Variants in PPP6R3 observed in about 807,000 individuals in gnomAD.
The protein encoded by PPP6R3 is serine/threonine-protein phosphatase 6 regulatory subunit 3.
A neutral mutation model predicts 110.7 loss-of-function variants in PPP6R3; 38 were observed. The ratio of observed to expected loss-of-function variants is 0.34; its 90% CI spans 0.26 to 0.45. The LOEUF is 0.45. Ranked by LOEUF, PPP6R3 falls within the 20% of genes least tolerant of loss-of-function variation. PPP6R3 has a pLI of 1.00. For synonymous variants in PPP6R3, 369 were observed against 373.5 expected, an observed-to-expected ratio of 0.99 and a Z score of 0.14; for missense variants, 870 against 1,062.4, an observed-to-expected ratio of 0.82 and a Z score of 2.52.
chr11:68,488,557 A>G (rs1363328507), intron 1 of PPP6R3: 1 of 152,208 alleles, frequency 6.6e-6, no homozygotes, highest in Admixed American at 6.6e-5. Context: ...ATTGGGAGCT[A>G]CAGGGGAACG....
intron 1 of PPP6R3, among the ~76,000 whole-genome samples, chr11:68,500,638 C>T (rs573947435): frequency 9.2e-5 from 14 of 152,236 alleles, no homozygotes; most frequent in African/African-American, 1.7e-4. Flanking sequence ...CCACCACGCC[C>T]GGCTAATTTT....
intron 6 of PPP6R3, 44 bp downstream of exon 6, chr11:68,551,230 AC>A (rs778711785): frequency 4.8e-6 from 7 of 1,457,126 alleles, no homozygotes; most frequent in Non-Finnish European, 6.7e-6. Flanking sequence ...GAAAAAAAAA[AC>A]AAAAAACTGT....
intron 1 of PPP6R3, chr11:68,505,060 A>G (rs903661327): frequency 3.9e-5 from 6 of 152,004 alleles, no homozygotes; most frequent in Non-Finnish European, 8.8e-5. Flanking sequence ...GTTCTTTTCT[A>G]TGTCTTCTTA....
chr11:68,506,993 T>C (rs780219812), intron 1 of PPP6R3, among the ~76,000 whole-genome samples: 1 of 152,190 alleles, frequency 6.6e-6, no homozygotes, highest in Non-Finnish European at 1.5e-5. Flanking sequence ...GGTAGTTCTT[T>C]GGGCCTTATT....
chr11:68,543,808 C>G (rs775252377), intron 3 of PPP6R3, among the ~76,000 whole-genome samples: 2 of 152,174 alleles, frequency 1.3e-5, no homozygotes, highest in Non-Finnish European at 2.9e-5. Context: ...GGCTCAACGT[C>G]TCTGTTGTTG....
intron 15 of PPP6R3, among the ~76,000 whole-genome samples, chr11:68,584,114 G>A (rs989671999): frequency 3.3e-5 from 5 of 152,272 alleles, no homozygotes; most frequent in Admixed American, 2.6e-4. Context: ...TCAGCATTTG[G>A]CTGACTTCTC....
rs140917558 is a variant in PPP6R3 at position 68,537,848 on chromosome 11, A to T, written c.184A>T (p.Ile62Leu). 4 of 1,613,774 alleles carry T rather than the reference A, an allele frequency of 2.5e-6. No individual in the cohort carries two copies. The highest frequency in any genetic ancestry group is 2.5e-6 in the Non-Finnish European group (3 of 1,179,814). ...ECLEDLVSFI[I>L]EEPPQDMDEK... ...TCTCGAAGATTTAGTCTCATTCATTATAGAAGAACCACCTCAAGACATGGA... is the reference window on the plus strand; with the variant it reads ...TCTCGAAGATTTAGTCTCATTCATTTTAGAAGAACCACCTCAAGACATGGA... Residue 62 changes from isoleucine (I) to leucine (L), a missense_variant, in exon 3 of 24, where the codon ATA becomes TTA. Ile to Leu is a conservative substitution (Grantham distance 5). Transcript: ENST00000393800.
chr11:68,529,317 C>T lies in PPP6R3; in HGVS notation c.-6-8342C>T, dbSNP rs1014024003. ...CACTGCAACCTCTGCCAACCGGGTT[C>T]AAGTGATTCTCCTGCCTCAACCTCC... is the stretch of plus-strand genomic sequence containing the variant. On this transcript the variant is annotated intron_variant, in intron 2 of 23. Coordinates refer to ENST00000393800, the MANE Select transcript of PPP6R3 (RefSeq NM_001164161.2). 5.3e-5 allele frequency among the ~76,000 whole-genome samples: 8 copies of T among 152,154 alleles called. No homozygotes were observed. In the East Asian group the frequency reaches 1.3e-3, roughly 26 times the overall value.
chr11:68,589,944 G>A (rs1428953880), intron 16 of PPP6R3, among the ~76,000 whole-genome samples: 5 of 152,200 alleles, frequency 3.3e-5, no homozygotes, highest in Admixed American at 2.0e-4. Flanking sequence ...TACCCCAGGA[G>A]CATTCTACTC....
In PPP6R3 at chr11:68,537,662, A is replaced by G. The variant is rs2099277849; in HGVS notation, c.-3A>G. 1 of 1,562,792 alleles carries G rather than the reference A, an allele frequency of 6.4e-7. No homozygotes were observed. Among genetic ancestry groups the G allele is most frequent in the African/African-American group, 1.4e-5 (1 of 73,260 alleles). On this transcript the variant is annotated 5_prime_UTR_variant, in exon 3 of 24. Transcript: ENST00000393800. Reference sequence around the variant, plus strand: ...ATACTTTCTGCATTTTGTTTAGACCAGCATGTTTTGGAAATTTGATCTTCA... The same window carrying G: ...ATACTTTCTGCATTTTGTTTAGACCGGCATGTTTTGGAAATTTGATCTTCA...
chr11:68,559,478 GAGTGCATC>G (rs1178173894), intron 8 of PPP6R3, among the ~76,000 whole-genome samples: 10 of 152,234 alleles, frequency 6.6e-5, no homozygotes, highest in Non-Finnish European at 1.3e-4. Context: ...GCAAGGGATA[GAGTGCATC>G]CTTAGCATAT....
intron 22 of PPP6R3, among the ~76,000 whole-genome samples, chr11:68,606,741 A>G (rs1246192412): frequency 6.6e-6 from 1 of 152,218 alleles, no homozygotes; most frequent in East Asian, 1.9e-4. Flanking sequence ...GTCCATTTTC[A>G]TTGCCAGTGT....
intron 2 of PPP6R3, chr11:68,522,384 T>C (rs1372637681): frequency 6.6e-6 from 1 of 152,260 alleles, no homozygotes; most frequent in African/African-American, 2.4e-5. Context: ...TTAAATGACA[T>C]TAATGTAGTA....
At chr11:68,586,224 A>G (rs980634611) in intron 15 of PPP6R3, 15 of 152,246 alleles carry the variant, frequency 9.9e-5, no homozygotes, top group African/African-American at 3.6e-4. Context: ...TGCTTACTCA[A>G]CAGAATCACT....
In PPP6R3 at chr11:68,530,164, C is replaced by G. The variant is rs7941318; in HGVS notation, c.-6-7495C>G. Among the ~76,000 whole-genome samples the G allele has an allele frequency of 7.7e-3, 1,175 of 152,212 alleles. 18 individuals carry two copies. Among genetic ancestry groups the G allele is most frequent in the African/African-American group, 0.027 (1,111 of 41,528 alleles). On this transcript the variant is annotated intron_variant, in intron 2 of 23. Transcript: ENST00000393800. ...GGCTACTAGAACATTTAATGTGTGG[C>G]TCAAAAGTTTATTTCTTATTTCTGT...
chr11:68,474,170 G>T (rs935164991), intron 1 of PPP6R3, among the ~76,000 whole-genome samples: 1 of 151,298 alleles, frequency 6.6e-6, no homozygotes, highest in East Asian at 1.9e-4. Flanking sequence ...TCAGCCTCCC[G>T]AGTAGCTGGG....
In PPP6R3 at chr11:68,613,488, G is replaced by T; in HGVS notation, c.*371G>T. The T allele has an allele frequency of 1.0e-6, 1 of 995,300 alleles. No individual in the cohort carries two copies. Among genetic ancestry groups the T allele is most frequent in the Non-Finnish European group, 1.2e-6 (1 of 836,504 alleles). The allele number at this position is 995,300 out of a possible 1,614,324, so 61.7% of individuals were successfully genotyped here. ...TCTATTGTATTTGAAACATAACTTTGACAATTATTAGTGTGACCAAAGTAT... is the reference window on the plus strand; with the variant it reads ...TCTATTGTATTTGAAACATAACTTTTACAATTATTAGTGTGACCAAAGTAT... On this transcript the variant is annotated 3_prime_UTR_variant, in exon 24 of 24. Transcript: ENST00000393800.
At chr11:68,552,363 G>A (rs2099384681) in intron 6 of PPP6R3, among the ~76,000 whole-genome samples, 1 of 152,208 alleles carries the variant, frequency 6.6e-6, no homozygotes, top group South Asian at 2.1e-4. Context: ...TACATTTTCT[G>A]TGATAGTAGA....
At chr11:68,601,805 T>TG (rs558383701) in intron 20 of PPP6R3, 58 bp from the exon 21 acceptor site, 14 of 1,377,394 alleles carry the variant, frequency 1.0e-5, no homozygotes, top group Non-Finnish European at 1.3e-5. Context: ...TTGTGAATCT[T>TG]GGGGTAACTG....
Sources: gnomAD v4.1 joint callset for allele counts (sites outside exome capture counted in the v4.1 genomes callset) on GRCh38, gnomAD v4.1.1 for gene constraint, MANE v1.5 for transcripts, NCBI Gene and HGNC (gene_info 2026-07-23, HGNC 2026-07-21) for gene names.